Variants in TMPRSS11F observed in about 807,000 individuals in gnomAD.
TMPRSS11F encodes transmembrane protease serine 11F.
TMPRSS11F carries 47 observed loss-of-function variants against 60.2 expected under a neutral mutation model. The ratio of observed to expected loss-of-function variants is 0.78; its 90% CI spans 0.62 to 1.00. TMPRSS11F has a LOEUF of 1.00. Ranked by LOEUF, TMPRSS11F falls within the 50% of genes least tolerant of loss-of-function variation. TMPRSS11F has a pLI of 0.00. For missense variants in TMPRSS11F, 519 were observed against 522.9 expected, an observed-to-expected ratio of 0.99 and a Z score of 0.07; for synonymous variants, 166 against 167.3, an observed-to-expected ratio of 0.99 and a Z score of 0.06.
chr4:68,116,576 C>T (rs979412576), intron 1 of TMPRSS11F, among the ~76,000 whole-genome samples: 9 of 152,140 alleles, frequency 5.9e-5, no homozygotes, highest in African/African-American at 1.7e-4. Context: ...AGGTACCACA[C>T]TCCCTGATTT....
intron 1 of TMPRSS11F, among the ~76,000 whole-genome samples, chr4:68,114,602 G>GA (rs1286997570): frequency 6.7e-6 from 1 of 150,036 alleles, no homozygotes; most frequent in Non-Finnish European, 1.5e-5. Flanking sequence ...GATTCTGCCA[G>GA]AAAATAGAAA....
chr4:68,055,730 G>T (rs2109824150), intron 9 of TMPRSS11F, among the ~76,000 whole-genome samples: 1 of 152,184 alleles, frequency 6.6e-6, no homozygotes, highest in East Asian at 1.9e-4. Context: ...ACAAGGTGAG[G>T]ATTACCTTGA....
At chr4:68,110,163 A>G (rs1724384720) in intron 1 of TMPRSS11F, among the ~76,000 whole-genome samples, 1 of 152,200 alleles carries the variant, frequency 6.6e-6, no homozygotes, top group Non-Finnish European at 1.5e-5. Context: ...ACTTGTGGTT[A>G]ATAACATCTT....
intron 1 of TMPRSS11F, among the ~76,000 whole-genome samples, chr4:68,111,701 A>G (rs1724412428): frequency 6.6e-6 from 1 of 152,186 alleles, no homozygotes; most frequent in Non-Finnish European, 1.5e-5. Context: ...TTCTGCCAGC[A>G]TGGTGGTGGA....
chr4:68,109,409 T>C (rs1392674553), intron 1 of TMPRSS11F, among the ~76,000 whole-genome samples: 1 of 152,198 alleles, frequency 6.6e-6, no homozygotes. Context: ...AGAAAGCATT[T>C]GCCACATATC....
At chr4:68,114,700 A>G (rs899221724) in intron 1 of TMPRSS11F, among the ~76,000 whole-genome samples, 5 of 151,876 alleles carry the variant, frequency 3.3e-5, no homozygotes, top group African/African-American at 1.2e-4. Flanking sequence ...CGGACAAGTT[A>G]GAGTTTCCCA....
chr4:68,105,778 A>G (rs1162012906), intron 1 of TMPRSS11F, among the ~76,000 whole-genome samples: 1 of 152,220 alleles, frequency 6.6e-6, no homozygotes, highest in Non-Finnish European at 1.5e-5. Flanking sequence ...ATGTATAAAA[A>G]TAAATGTTTC....
chr4:68,122,119 T>G (rs568085788), intron 1 of TMPRSS11F, among the ~76,000 whole-genome samples: 1 of 152,300 alleles, frequency 6.6e-6, no homozygotes, highest in Admixed American at 6.5e-5. Flanking sequence ...TCAAGATGTT[T>G]AAAAAGATAT....
chr4:68,128,382 G>T (rs75606255), intron 1 of TMPRSS11F, among the ~76,000 whole-genome samples: 4,590 of 152,142 alleles, frequency 0.03, 114 homozygotes, highest in Middle Eastern at 0.099. Flanking sequence ...TACTGAAATA[G>T]TGCTATGTAC....
intron 1 of TMPRSS11F, among the ~76,000 whole-genome samples, chr4:68,103,561 T>A (rs1016284787): frequency 6.6e-6 from 1 of 152,198 alleles, no homozygotes; most frequent in Non-Finnish European, 1.5e-5. Flanking sequence ...TTGATTAACA[T>A]AGCTTTGTAA....
intron 1 of TMPRSS11F, among the ~76,000 whole-genome samples, chr4:68,099,824 A>G (rs1389110112): frequency 6.6e-6 from 1 of 152,162 alleles, no homozygotes; most frequent in African/African-American, 2.4e-5. Flanking sequence ...TAGATCCCTA[A>G]ATGTATACAG....
Position 68,129,812 on chromosome 4 carries a change from G to T in TMPRSS11F, c.9C>A (p.Tyr3Ter). The T allele has an allele frequency of 3.1e-6, 5 of 1,613,142 alleles. No individual in the cohort carries two copies. The highest frequency in any genetic ancestry group is 4.2e-6 in the Non-Finnish European group (5 of 1,179,326). ...ACTGAGAAAAGCTGAATACTTACGC[G>T]TACATCATGAACCCAGGACTGGGGC... MM[Y>*]APVEFSEAEF... The change falls in exon 1 of 10, where the codon TAC becomes TAA. Residue 3 changes from tyrosine to a stop codon, truncating the protein, a stop_gained and splice_region_variant. Coordinates refer to ENST00000356291, the MANE Select transcript of TMPRSS11F (RefSeq NM_207407.2). LOFTEE classifies it high-confidence loss of function.
chr4:68,086,197 C>T (rs551963507), intron 3 of TMPRSS11F, among the ~76,000 whole-genome samples: 1 of 151,920 alleles, frequency 6.6e-6, no homozygotes, highest in Non-Finnish European at 1.5e-5. Flanking sequence ...AGTGCAATAA[C>T]AATAGAAATC....
intron 2 of TMPRSS11F, among the ~76,000 whole-genome samples, chr4:68,096,887 T>C (rs1724085939): frequency 6.6e-6 from 1 of 152,192 alleles, no homozygotes; most frequent in Non-Finnish European, 1.5e-5. Context: ...TCTATAAAAG[T>C]AATATTTTAG....
At chr4:68,063,526 A>G (rs565011969) in intron 8 of TMPRSS11F, among the ~76,000 whole-genome samples, 4 of 152,036 alleles carry the variant, frequency 2.6e-5, no homozygotes, top group Non-Finnish European at 5.9e-5. Flanking sequence ...ACAGGCCTGC[A>G]CCACCATGCC....
At chr4:68,089,906 A>G (rs1165438424) in intron 3 of TMPRSS11F, among the ~76,000 whole-genome samples, 1 of 152,118 alleles carries the variant, frequency 6.6e-6, no homozygotes, top group Admixed American at 6.6e-5. Context: ...AATATACTGA[A>G]TTTTGCTAAA....
At chr4:68,129,496 T>C (rs1362655231) in intron 1 of TMPRSS11F, among the ~76,000 whole-genome samples, 1 of 152,142 alleles carries the variant, frequency 6.6e-6, no homozygotes, top group Non-Finnish European at 1.5e-5. Flanking sequence ...AAATGGGCTA[T>C]ATTAAACACT....
At chr4:68,093,132 G>A (rs577078509) in intron 2 of TMPRSS11F, among the ~76,000 whole-genome samples, 4 of 152,274 alleles carry the variant, frequency 2.6e-5, no homozygotes, top group South Asian at 4.1e-4. Context: ...GGAAGCCATT[G>A]TAGAAATCGA....
intron 1 of TMPRSS11F, among the ~76,000 whole-genome samples, chr4:68,117,283 C>T (rs1256240524): frequency 7.9e-5 from 12 of 151,566 alleles, no homozygotes; most frequent in African/African-American, 1.9e-4. Context: ...CAGGCTAACA[C>T]GGTGAAACCC....
Sources: allele counts gnomAD v4.1 joint callset (sites outside exome capture counted in the v4.1 genomes callset), GRCh38; gene constraint gnomAD v4.1.1; transcripts MANE v1.5; gene names NCBI Gene and HGNC (gene_info 2026-07-23, HGNC 2026-07-21).